The following PLCB4 variants were observed in gnomAD, a reference collection of about 807,000 sequenced individuals.
The protein encoded by PLCB4 is phospholipase C beta 4, also known as 1-phosphatidylinositol 4,5-bisphosphate phosphodiesterase beta-4.
PLCB4 carries 77 observed loss-of-function variants against 178.8 expected under a neutral mutation model. The ratio of observed to expected loss-of-function variants is 0.43; its 90% CI spans 0.36 to 0.52. The LOEUF (loss-of-function observed/expected upper bound fraction) is 0.52. Ranked by LOEUF, PLCB4 falls within the 20% of genes least tolerant of loss-of-function variation. PLCB4 has a pLI of 0.00. For missense variants in PLCB4, 1,024 were observed against 1,453.4 expected, an observed-to-expected ratio of 0.70 and a Z score of 4.80; for synonymous variants, 496 against 490.8, an observed-to-expected ratio of 1.01 and a Z score of -0.14.
intron 3 of PLCB4, among the ~76,000 whole-genome samples, chr20:9,301,695 T>C (rs1340918286): frequency 1.3e-5 from 2 of 152,096 alleles, no homozygotes; most frequent in Non-Finnish European, 2.9e-5. Flanking sequence ...CCCCTTGTGT[T>C]CCTCCTAACT....
intron 25 of PLCB4, 117 bp downstream of exon 25, chr20:9,411,205 G>A: frequency 3.0e-6 from 2 of 673,332 alleles, no homozygotes; most frequent in African/African-American, 1.8e-5. Flanking sequence ...TTTGAGGGAT[G>A]GAATAGAAAG....
chr20:9,366,966 G>A (rs1038236681), intron 9 of PLCB4, among the ~76,000 whole-genome samples: 10 of 152,222 alleles, frequency 6.6e-5, no homozygotes, highest in African/African-American at 2.4e-4. Flanking sequence ...CACCGAGTGC[G>A]TAGCATCTGT....
chr20:9,427,188 G>A (rs951407441), intron 28 of PLCB4, among the ~76,000 whole-genome samples: 2 of 152,050 alleles, frequency 1.3e-5, no homozygotes, highest in African/African-American at 2.4e-5. Flanking sequence ...TCATGCCACC[G>A]CACTCCAGCC....
chr20:9,214,397 C>T (rs2093705846), intron 2 of PLCB4, among the ~76,000 whole-genome samples: 1 of 152,200 alleles, frequency 6.6e-6, no homozygotes, highest in Admixed American at 6.5e-5. Context: ...TAGACTGTCT[C>T]TCCCCATTGA....
At chr20:9,456,250 C>T (rs967473157) in intron 33 of PLCB4, among the ~76,000 whole-genome samples, 1 of 152,128 alleles carries the variant, frequency 6.6e-6, no homozygotes, top group African/African-American at 2.4e-5. Flanking sequence ...GAAAGGTTTC[C>T]CCTTACTCTT....
At chr20:9,314,515 C>T (rs2094876442) in intron 4 of PLCB4, among the ~76,000 whole-genome samples, 1 of 152,064 alleles carries the variant, frequency 6.6e-6, no homozygotes, top group Non-Finnish European at 1.5e-5. Flanking sequence ...AGCTCTGATG[C>T]AAGGTGGAGA....
chr20:9,478,473 A>G (rs2044699893), intron 39 of PLCB4, among the ~76,000 whole-genome samples: 1 of 152,218 alleles, frequency 6.6e-6, no homozygotes, highest in Non-Finnish European at 1.5e-5. Flanking sequence ...ATTTCAGGCT[A>G]TTTAGGAAAT....
At chr20:9,182,947 G>T (rs981938026) in intron 2 of PLCB4, among the ~76,000 whole-genome samples, 2 of 152,092 alleles carry the variant, frequency 1.3e-5, no homozygotes, top group Non-Finnish European at 2.9e-5. Flanking sequence ...ACGCTTACAG[G>T]GCCTGAAGCT....
chr20:9,365,879 C>CT (rs1290013791), intron 9 of PLCB4, among the ~76,000 whole-genome samples: 1 of 152,158 alleles, frequency 6.6e-6, no homozygotes, highest in East Asian at 1.9e-4. Context: ...TGTGCACCTA[C>CT]TGTGGAAGGG....
intron 39 of PLCB4, among the ~76,000 whole-genome samples, chr20:9,478,378 C>G (rs1280895950): frequency 6.6e-6 from 1 of 152,170 alleles, no homozygotes; most frequent in Non-Finnish European, 1.5e-5. Flanking sequence ...ATTCCATTTA[C>G]AGAAGACTCC....
chr20:9,107,828 G>C (rs531933954), intron 2 of PLCB4, among the ~76,000 whole-genome samples: 1 of 152,244 alleles, frequency 6.6e-6, no homozygotes, highest in South Asian at 2.1e-4. Flanking sequence ...CCAGAAGAAG[G>C]AGAATCAGGA....
At chr20:9,294,728 G>C (rs919425156) in intron 3 of PLCB4, among the ~76,000 whole-genome samples, 12 of 152,054 alleles carry the variant, frequency 7.9e-5, no homozygotes, top group Admixed American at 6.6e-4. Flanking sequence ...CTGGCTAGCT[G>C]GATACACCGT....
chr20:9,266,596 A>G (rs2094351828), intron 3 of PLCB4, among the ~76,000 whole-genome samples: 3 of 152,172 alleles, frequency 2.0e-5, no homozygotes, highest in Admixed American at 2.0e-4. Context: ...TTCCTTATGG[A>G]AAAAAATTGC....
At chr20:9,288,363 T>G (rs542794579) in intron 3 of PLCB4, among the ~76,000 whole-genome samples, 8 of 151,830 alleles carry the variant, frequency 5.3e-5, no homozygotes, top group South Asian at 2.1e-4. Context: ...AAAGTTCAGA[T>G]GTTTTTCACA....
intron 1 of PLCB4, among the ~76,000 whole-genome samples, chr20:9,078,642 G>A (rs1440026099): frequency 2.0e-5 from 3 of 152,146 alleles, no homozygotes; most frequent in Admixed American, 1.3e-4. Context: ...GATTACAGGT[G>A]TGAGCCACCA....
rs746067820 is a variant in PLCB4 at position 9,459,748 on chromosome 20, G to A, written c.3186G>A (p.Leu1062=). 6.2e-7 allele frequency: 1 copy of A among 1,613,398 alleles called. No individual in the cohort carries two copies. The highest frequency in any genetic ancestry group is 1.1e-5 in the South Asian group (1 of 91,012). Residue 1062 remains leucine, a synonymous_variant, in exon 35 of 40, where the codon CTG becomes CTA. Transcript: ENST00000378473. ...ACCTCAGCCAGCAGTGTGAGCTGCT[G>A]AAAAAGCTACTCATCAATGCCCACG... ...DLHLSQQCEL[L]KKLLINAHEQ... is the part of the protein sequence containing the mutation.
chr20:9,155,982 C>T (rs975618384), intron 2 of PLCB4, among the ~76,000 whole-genome samples: 6 of 152,228 alleles, frequency 3.9e-5, no homozygotes, highest in Admixed American at 6.5e-5. Context: ...TAGCAAACAT[C>T]GTGGAGAACT....
At position 9,401,496 on chromosome 20, in the gene PLCB4, A is replaced by G. The variant is rs1383685281; in HGVS notation, c.1517A>G (p.Gln506Arg). Residue 506 changes from glutamine (Q) to arginine (R), a missense_variant, in exon 20 of 40, where the codon CAA (glutamine) becomes CGA (arginine). Around this residue, in one of 7 missense-constraint regions of PLCB4, gnomAD observed 263 missense variants for 417.4 expected, o/e 0.63. Coordinates refer to ENST00000378473, the MANE Select transcript of PLCB4 (RefSeq NM_001377142.1). ...DNEEEIESAD[Q>R]EEEAHPEFKF... ...CCATTTGTCTTTCACACAGCTGACC[A>G]AGAGGAGGAAGCTCACCCCGAATTC... The G allele has an allele frequency of 1.2e-6, 2 of 1,612,366 alleles. No homozygotes were observed. The highest frequency in any genetic ancestry group is 2.2e-5 in the East Asian group (1 of 44,860).
intron 3 of PLCB4, among the ~76,000 whole-genome samples, chr20:9,257,979 A>C (rs910914924): frequency 6.6e-6 from 1 of 152,234 alleles, no homozygotes; most frequent in African/African-American, 2.4e-5. Context: ...GAAAGAAAAG[A>C]TGCAGAACTT....
Sources: gnomAD v4.1 joint callset for allele counts (sites outside exome capture counted in the v4.1 genomes callset) on GRCh38, gnomAD v4.1.1 for gene constraint, gnomAD v4.1.1 regional missense constraint, MANE v1.5 for transcripts, NCBI Gene and HGNC (gene_info 2026-07-23, HGNC 2026-07-21) for gene names.